Variants in KCNT2 observed in about 807,000 individuals in gnomAD.
The protein encoded by KCNT2 is potassium sodium-activated channel subfamily T member 2.
In KCNT2, 67 loss-of-function variants were observed where a neutral mutation model predicts 153.8. That is an observed-to-expected ratio of 0.44 (90% confidence interval 0.36 to 0.53). KCNT2 has a LOEUF of 0.53. Ranked by LOEUF, KCNT2 falls within the 20% of genes least tolerant of loss-of-function variation. The pLI, the probability that KCNT2 is intolerant of heterozygous loss-of-function variation, is 0.00. For missense variants in KCNT2, 975 were observed against 1,354.8 expected, an observed-to-expected ratio of 0.72 and a Z score of 4.40; for synonymous variants, 500 against 458.8, an observed-to-expected ratio of 1.09 and a Z score of -1.15.
At chr1:196,349,770 A>G (rs1455692248) in intron 14 of KCNT2, among the ~76,000 whole-genome samples, 1 of 151,876 alleles carries the variant, frequency 6.6e-6, no homozygotes, top group Admixed American at 6.6e-5. Flanking sequence ...CGTTAGTTAC[A>G]TATGTATACA....
chr1:196,375,937 A>G (rs1468309848), intron 13 of KCNT2, among the ~76,000 whole-genome samples: 1 of 151,884 alleles, frequency 6.6e-6, no homozygotes, highest in East Asian at 1.9e-4. Context: ...ACTGGATAAT[A>G]ATCTTTATTT....
intron 19 of KCNT2, among the ~76,000 whole-genome samples, chr1:196,323,443 A>G (rs1310006778): frequency 6.6e-6 from 1 of 151,894 alleles, no homozygotes; most frequent in Non-Finnish European, 1.5e-5. Flanking sequence ...GGTAATCAAA[A>G]TATTTAAAAT....
intron 8 of KCNT2, among the ~76,000 whole-genome samples, chr1:196,437,553 C>G (rs1237619172): frequency 6.7e-6 from 1 of 149,378 alleles, no homozygotes; most frequent in Admixed American, 6.7e-5. Context: ...CAATGTCACA[C>G]CATGTTCTAT....
At chr1:196,598,602 G>C (rs571235279) in intron 1 of KCNT2, among the ~76,000 whole-genome samples, 1 of 152,224 alleles carries the variant, frequency 6.6e-6, no homozygotes, top group Admixed American at 6.5e-5. Context: ...CTTTAAATTT[G>C]TTTGAATTTT....
chr1:196,494,425 A>T (rs1453825487), intron 1 of KCNT2, among the ~76,000 whole-genome samples: 3 of 152,060 alleles, frequency 2.0e-5, no homozygotes, highest in Non-Finnish European at 4.4e-5. Context: ...TTGGTGACGG[A>T]GTCTGGCTCT....
intron 1 of KCNT2, among the ~76,000 whole-genome samples, chr1:196,575,428 G>A (rs1190998558): frequency 3.3e-5 from 5 of 151,908 alleles, no homozygotes; most frequent in Admixed American, 1.3e-4. Context: ...TATGTCCCTT[G>A]ACTCTAGCAG....
chr1:196,497,150 A>G (rs1680321706), intron 1 of KCNT2, among the ~76,000 whole-genome samples: 1 of 152,194 alleles, frequency 6.6e-6, no homozygotes, highest in Admixed American at 6.5e-5. Context: ...GGCCCTTTGT[A>G]TCCATTAAGT....
At chr1:196,230,552 G>A (rs940668390) in intron 27 of KCNT2, among the ~76,000 whole-genome samples, 2 of 151,968 alleles carry the variant, frequency 1.3e-5, no homozygotes, top group Admixed American at 1.3e-4. Context: ...TGATTCGTGG[G>A]ATGAGGTAGA....
At chr1:196,380,980 T>C (rs1004876001) in intron 13 of KCNT2, among the ~76,000 whole-genome samples, 4 of 152,216 alleles carry the variant, frequency 2.6e-5, no homozygotes, top group African/African-American at 7.2e-5. Context: ...TGGCTAAGAA[T>C]AGATTTAAGT....
intron 27 of KCNT2, among the ~76,000 whole-genome samples, chr1:196,229,527 T>C (rs755414102): frequency 6.6e-6 from 1 of 152,108 alleles, no homozygotes; most frequent in Non-Finnish European, 1.5e-5. Flanking sequence ...CTTGTAATTG[T>C]TTAAGTGAAA....
intron 1 of KCNT2, among the ~76,000 whole-genome samples, chr1:196,509,063 G>A (rs533237522): frequency 6.6e-6 from 1 of 152,228 alleles, no homozygotes; most frequent in East Asian, 1.9e-4. Flanking sequence ...GAGGTCAGCA[G>A]TTCGAGAGCA....
At chr1:196,244,251 A>C (rs1422527276) in intron 26 of KCNT2, among the ~76,000 whole-genome samples, 3 of 152,130 alleles carry the variant, frequency 2.0e-5, no homozygotes, top group African/African-American at 7.2e-5. Context: ...GGCATCAGGT[A>C]TGACCCAGAA....
intron 1 of KCNT2, among the ~76,000 whole-genome samples, chr1:196,521,980 T>C (rs909037023): frequency 6.6e-6 from 1 of 151,950 alleles, no homozygotes; most frequent in African/African-American, 2.4e-5. Flanking sequence ...AATTATAAAA[T>C]AAAGATGAAT....
In KCNT2 at chr1:196,597,776, G is replaced by C. The variant is rs185092584; in HGVS notation, c.95+10439C>G. Reference sequence around the variant, plus strand: ...TTCCTTATTATCTTTTCATTCTGTTGTACTTTCTGTTTACTCTATGCTATT... The same window carrying C: ...TTCCTTATTATCTTTTCATTCTGTTCTACTTTCTGTTTACTCTATGCTATT... On this transcript the variant is annotated intron_variant, in intron 1 of 27. Transcript: ENST00000294725. 3.9e-5 allele frequency among the ~76,000 whole-genome samples: 6 copies of C among 152,054 alleles called. No individual in the cohort carries two copies. The East Asian group carries it at 9.6e-4, about 24-fold the overall frequency.
Position 196,557,162 on chromosome 1 carries a change from GAATA to G in KCNT2, c.95+51049_95+51052del, listed in dbSNP as rs545097077. Among the ~76,000 whole-genome samples, 657 of 151,218 alleles carry G rather than the reference GAATA, an allele frequency of 4.3e-3. 3 individuals carry two copies. Among genetic ancestry groups the G allele is most frequent in the Non-Finnish European group, 7.7e-3 (519 of 67,442 alleles). ...ATAATTGAATTGTTCAGAACAAAAA[GAATA>G]AATGCTTGAGGGTATAGATACCCTA... On this transcript the variant is annotated intron_variant, in intron 1 of 27. Transcript: ENST00000294725.
At chr1:196,550,493 A>G (rs555487026) in intron 1 of KCNT2, among the ~76,000 whole-genome samples, 5 of 152,066 alleles carry the variant, frequency 3.3e-5, no homozygotes, top group African/African-American at 1.2e-4. Flanking sequence ...ATGCTATTAT[A>G]ATAAATGATT....
At chr1:196,494,229 T>C (rs1183733040) in intron 1 of KCNT2, among the ~76,000 whole-genome samples, 5 of 152,212 alleles carry the variant, frequency 3.3e-5, no homozygotes, top group Admixed American at 6.5e-5. Context: ...GCTAAACTAG[T>C]TGAAATTTGT....
intron 18 of KCNT2, among the ~76,000 whole-genome samples, chr1:196,327,626 G>T (rs981768466): frequency 1.3e-5 from 2 of 148,150 alleles, no homozygotes; most frequent in Non-Finnish European, 1.5e-5. Context: ...GTTGAGATTA[G>T]TTAGTTGTCT....
At chr1:196,324,189 A>C (rs1208553043) in intron 19 of KCNT2, among the ~76,000 whole-genome samples, 1 of 151,980 alleles carries the variant, frequency 6.6e-6, no homozygotes. Flanking sequence ...TAACAATATA[A>C]TGTGGATTGT....
Sources: gnomAD v4.1 joint callset for allele counts (sites outside exome capture counted in the v4.1 genomes callset) on GRCh38, gnomAD v4.1.1 for gene constraint, MANE v1.5 for transcripts, NCBI Gene and HGNC (gene_info 2026-07-23, HGNC 2026-07-21) for gene names.